The following AJAP1 variants were observed in gnomAD, a reference collection of about 807,000 sequenced individuals.
AJAP1 encodes adherens junction-associated protein 1.
AJAP1 carries 5 observed loss-of-function variants against 35.0 expected under a neutral mutation model. That is an observed-to-expected ratio of 0.14 (90% CI 0.07 to 0.30). The LOEUF (loss-of-function observed/expected upper bound fraction) is 0.30, where lower values mean the gene tolerates loss of function less well. Among genes scored for constraint, AJAP1 ranks in the 10% least tolerant of loss-of-function variants. AJAP1 has a pLI of 1.00. For missense variants in AJAP1, 586 were observed against 571.0 expected, an observed-to-expected ratio of 1.03 and a Z score of -0.27; for synonymous variants, 284 against 249.3, an observed-to-expected ratio of 1.14 and a Z score of -1.31.
At chr1:4,660,103 C>G (rs1638969672) in intron 1 of AJAP1, among the ~76,000 whole-genome samples, 1 of 152,264 alleles carries the variant, frequency 6.6e-6, no homozygotes, top group Non-Finnish European at 1.5e-5. Flanking sequence ...GGTAACACCA[C>G]CACACCACCA....
At chr1:4,702,837 C>T (rs1640018710) in intron 1 of AJAP1, among the ~76,000 whole-genome samples, 1 of 152,116 alleles carries the variant, frequency 6.6e-6, no homozygotes, top group African/African-American at 2.4e-5. Flanking sequence ...GACCTCAGAG[C>T]AGGAGCTAGA....
intron 2 of AJAP1, among the ~76,000 whole-genome samples, chr1:4,718,773 GC>G (rs779320237): frequency 2.6e-5 from 4 of 152,088 alleles, no homozygotes; most frequent in Non-Finnish European, 5.9e-5. Flanking sequence ...GAGCCACCAC[GC>G]CCGGCCTCCT....
intron 1 of AJAP1, among the ~76,000 whole-genome samples, chr1:4,665,568 C>A: frequency 6.6e-6 from 1 of 152,172 alleles, no homozygotes; most frequent in Non-Finnish European, 1.5e-5. Flanking sequence ...GCTCTCACCC[C>A]GACGGTCCCT....
At chr1:4,751,239 C>G (rs1303908315) in intron 2 of AJAP1, among the ~76,000 whole-genome samples, 1 of 152,164 alleles carries the variant, frequency 6.6e-6, no homozygotes, top group Non-Finnish European at 1.5e-5. Context: ...TGGGAAGGAT[C>G]CAGCCTTGGT....
At chr1:4,779,096 T>A (rs1335239847) in intron 5 of AJAP1, among the ~76,000 whole-genome samples, 1 of 151,922 alleles carries the variant, frequency 6.6e-6, no homozygotes, top group African/African-American at 2.4e-5. Flanking sequence ...GAGACAGAAG[T>A]AAAATAGGGG....
intron 4 of AJAP1, among the ~76,000 whole-genome samples, chr1:4,773,859 G>A (rs969805958): frequency 3.9e-5 from 6 of 152,202 alleles, no homozygotes; most frequent in Non-Finnish European, 5.9e-5. Context: ...GGTGGGGTGG[G>A]GGGCTGTCCA....
chr1:4,687,279 C>G (rs1207596022), intron 1 of AJAP1, among the ~76,000 whole-genome samples: 1 of 152,226 alleles, frequency 6.6e-6, no homozygotes. Context: ...AGAGTTTATT[C>G]TGGGAAGCCG....
intron 2 of AJAP1, among the ~76,000 whole-genome samples, chr1:4,748,847 G>C (rs1641257223): frequency 6.6e-6 from 1 of 151,936 alleles, no homozygotes; most frequent in Admixed American, 6.5e-5. Flanking sequence ...TGCCACTTGA[G>C]GATGCAGCAA....
intron 2 of AJAP1, among the ~76,000 whole-genome samples, chr1:4,747,704 C>T (rs368311540): frequency 1.3e-5 from 2 of 152,188 alleles, no homozygotes; most frequent in African/African-American, 2.4e-5. Context: ...AAGCTTCCTT[C>T]GTTGGCCGGG....
intron 2 of AJAP1, among the ~76,000 whole-genome samples, chr1:4,758,922 G>T (rs141211004): frequency 1.3e-5 from 2 of 152,306 alleles, no homozygotes; most frequent in Non-Finnish European, 2.9e-5. Flanking sequence ...GCCCCGAGCT[G>T]GATGCTGGGT....
At chr1:4,696,136 G>T (rs542990164) in intron 1 of AJAP1, among the ~76,000 whole-genome samples, 2 of 152,100 alleles carry the variant, frequency 1.3e-5, no homozygotes, top group African/African-American at 2.4e-5. Context: ...AACTTGAGAC[G>T]CAGGGGTTTT....
At chr1:4,735,260 C>G (rs571442868) in intron 2 of AJAP1, among the ~76,000 whole-genome samples, 65 of 152,322 alleles carry the variant, frequency 4.3e-4, no homozygotes, top group African/African-American at 1.4e-3. Flanking sequence ...CTGGTCACAG[C>G]AGGTCTTTTC....
chr1:4,744,633 A>G (rs1465551775), intron 2 of AJAP1, among the ~76,000 whole-genome samples: 5 of 123,538 alleles, frequency 4.0e-5, no homozygotes, highest in Admixed American at 7.8e-5. Context: ...ATGCACACAC[A>G]CACACACACA....
chr1:4,660,489 A>C (rs1052454639), intron 1 of AJAP1, among the ~76,000 whole-genome samples: 16 of 152,102 alleles, frequency 1.1e-4, no homozygotes, highest in African/African-American at 2.7e-4. Context: ...TGAGGGGTAC[A>C]CAGGGTCTCT....
At chr1:4,727,420 G>T (rs900922180) in intron 2 of AJAP1, among the ~76,000 whole-genome samples, 2 of 152,196 alleles carry the variant, frequency 1.3e-5, no homozygotes, top group Non-Finnish European at 2.9e-5. Flanking sequence ...CTTAAATGGC[G>T]TTGACTGCAC....
At chr1:4,718,391 C>G (rs1434806479) in intron 2 of AJAP1, among the ~76,000 whole-genome samples, 2 of 152,134 alleles carry the variant, frequency 1.3e-5, no homozygotes, top group Non-Finnish European at 2.9e-5. Context: ...TCTTCATTCC[C>G]TTAGGCCCTC....
chr1:4,771,133 T>C (rs418045), intron 3 of AJAP1, among the ~76,000 whole-genome samples: 147,248 of 152,186 alleles, frequency 0.97, 71,266 homozygotes, highest in East Asian at 1. Flanking sequence ...CTTGCTTTTC[T>C]CACACTCGAG....
chr1:4,782,936 A>T lies in AJAP1; in HGVS notation c.*451A>T, dbSNP rs895602703. The T allele has an allele frequency of 2.5e-6, 1 of 398,332 alleles. No homozygotes were observed. Among genetic ancestry groups the T allele is most frequent in the African/African-American group, 2.1e-5 (1 of 48,754 alleles). The allele number at this position is 398,332 out of a possible 1,614,324, so 24.7% of individuals were successfully genotyped here. The stretch of plus-strand genomic sequence containing the variant: ...AGGCTCGGCCGCAGAGCCGGGGCCC[A>T]GCGAATCACGCAGAGAAATCTTACA... On this transcript the variant is annotated 3_prime_UTR_variant, in exon 6 of 6. Coordinates refer to ENST00000378191, the MANE Select transcript of AJAP1 (RefSeq NM_018836.4). This position sits in a 1 kb window ranked among gnomAD's most constrained non-coding sequence, Gnocchi z 5.3.
intron 1 of AJAP1, among the ~76,000 whole-genome samples, chr1:4,702,327 C>T (rs1640006865): frequency 6.6e-6 from 1 of 152,222 alleles, no homozygotes; most frequent in Non-Finnish European, 1.5e-5. Flanking sequence ...AATCAGGCCA[C>T]TCCATTTTGG....
Sources: allele counts gnomAD v4.1 joint callset (sites outside exome capture counted in the v4.1 genomes callset), GRCh38; gene constraint gnomAD v4.1.1; non-coding constraint Gnocchi (gnomAD v3.1); transcripts MANE v1.5; gene names NCBI Gene and HGNC (gene_info 2026-07-23, HGNC 2026-07-21).